The following EXTL3 variants were observed in gnomAD, a reference collection of about 807,000 sequenced individuals.
The protein encoded by EXTL3 is exostosin-like 3.
Under a neutral mutation model 69.3 loss-of-function variants are expected in EXTL3, and 27 were observed. The ratio of observed to expected loss-of-function variants is 0.39; its 90% confidence interval spans 0.29 to 0.54. EXTL3 has a LOEUF of 0.54. EXTL3 is among the 20% of genes least tolerant of loss of function. The pLI is 0.69. For synonymous variants in EXTL3, 511 were observed against 499.4 expected, an observed-to-expected ratio of 1.02 and a Z score of -0.31; for missense variants, 1,003 against 1,231.8, an observed-to-expected ratio of 0.81 and a Z score of 2.78.
At chr8:28,733,779 C>G (rs1042675913) in intron 4 of EXTL3, among the ~76,000 whole-genome samples, 1 of 150,688 alleles carries the variant, frequency 6.6e-6, no homozygotes, top group African/African-American at 2.4e-5. Context: ...GGAGAAACGG[C>G]TTTTCACATT....
At chr8:28,710,688 G>A (rs1474641141) in intron 1 of EXTL3, among the ~76,000 whole-genome samples, 3 of 144,718 alleles carry the variant, frequency 2.1e-5, no homozygotes, top group Non-Finnish European at 4.5e-5. Flanking sequence ...TCAGCCTCTA[G>A]TAGCTGGGAC....
rs1037571557 is a variant in EXTL3 at position 28,752,117 on chromosome 8, C to T, written c.*1251C>T. 2 of 152,238 alleles carry T rather than the reference C, an allele frequency of 1.3e-5. No homozygotes were observed. The highest frequency in any genetic ancestry group is 1.3e-4 in the Admixed American group (2 of 15,282). The allele number at this position is 152,238 out of a possible 1,614,324, so 9.4% of individuals were successfully genotyped here. A position where few individuals can be genotyped will look rare whatever the true frequency, so the allele number is the denominator to read the frequency against. ...TGGTATGTGCTAGAACAATGGGAGGCTGTGATTTGCTGTGTAAGCTCACAT... is the reference window on the plus strand; with the variant it reads ...TGGTATGTGCTAGAACAATGGGAGGTTGTGATTTGCTGTGTAAGCTCACAT... On this transcript the variant is annotated 3_prime_UTR_variant, in exon 7 of 7. Transcript: ENST00000220562.
chr8:28,658,125 G>A (rs1311884742), intron 1 of EXTL3, among the ~76,000 whole-genome samples: 1 of 152,194 alleles, frequency 6.6e-6, no homozygotes, highest in African/African-American at 2.4e-5. Flanking sequence ...CAGAAGCCAC[G>A]TGGTCCTGCT....
intron 2 of EXTL3, among the ~76,000 whole-genome samples, chr8:28,614,263 G>T (rs1282529598): frequency 2.0e-5 from 3 of 146,786 alleles, no homozygotes; most frequent in East Asian, 2.0e-4. Context: ...TACTTTGTGG[G>T]GTTTTTTGCT....
chr8:28,616,150 A>G (rs1452520659), intron 2 of EXTL3, among the ~76,000 whole-genome samples: 1 of 152,212 alleles, frequency 6.6e-6, no homozygotes, highest in African/African-American at 2.4e-5. Context: ...AAAGGGCAGT[A>G]CAGTAAGCTA....
intron 1 of EXTL3, among the ~76,000 whole-genome samples, chr8:28,642,356 C>A (rs1363378876): frequency 6.8e-6 from 1 of 147,836 alleles, no homozygotes; most frequent in African/African-American, 2.5e-5. Flanking sequence ...TGAGGCAGGA[C>A]AATCACTTGG....
intron 1 of EXTL3, chr8:28,710,219 G>T: frequency 3.7e-6 from 1 of 273,916 alleles, no homozygotes. Context: ...GCTGACCACT[G>T]GAAAAAGGAT....
chr8:28,716,757 A>T lies in EXTL3; in HGVS notation c.698A>T (p.Asp233Val), dbSNP rs1379286689. ...RANVYVTENADIACLYVILVG... is the reference protein window; with the variant it reads ...RANVYVTENAVIACLYVILVG... Reference sequence around the variant, plus strand: ...AACGTTTATGTTACAGAAAATGCAGACATCGCCTGCCTTTACGTGATACTA... The same window carrying T: ...AACGTTTATGTTACAGAAAATGCAGTCATCGCCTGCCTTTACGTGATACTA... The change falls in exon 3 of 7, where the codon GAC becomes GTC. Residue 233 changes from aspartate to valine, a missense_variant. Asp to Val is a radical substitution (Grantham distance 152, BLOSUM62 -3). Coordinates refer to ENST00000220562, the MANE Select transcript of EXTL3 (RefSeq NM_001440.4). This position sits in a 1 kb window ranked among gnomAD's most constrained non-coding sequence, Gnocchi z 7.1. 1 of 1,614,140 alleles carries T rather than the reference A, an allele frequency of 6.2e-7. No homozygotes were observed. Among genetic ancestry groups the T allele is most frequent in the Non-Finnish European group, 8.5e-7 (1 of 1,180,052 alleles).
At chr8:28,683,904 T>A (rs555202731) in intron 1 of EXTL3, among the ~76,000 whole-genome samples, 1 of 152,204 alleles carries the variant, frequency 6.6e-6, no homozygotes, top group East Asian at 1.9e-4. Context: ...TTGTGCCCAT[T>A]AACCATCCCC....
At chr8:28,652,428 G>A (rs2130605790) in intron 1 of EXTL3, among the ~76,000 whole-genome samples, 1 of 152,176 alleles carries the variant, frequency 6.6e-6, no homozygotes, top group Non-Finnish European at 1.5e-5. Context: ...AGGCCAAGGT[G>A]GGAGGATTGC....
chr8:28,642,765 C>CT (rs909191726), intron 1 of EXTL3, among the ~76,000 whole-genome samples: 2 of 151,478 alleles, frequency 1.3e-5, no homozygotes, highest in African/African-American at 4.9e-5. Flanking sequence ...TTACTGTTAA[C>CT]TTTTTTTTTA....
chr8:28,715,552 T>A (rs1462673243), intron 2 of EXTL3, 33 bp from the exon 3 acceptor site: 1 of 157,366 alleles, frequency 6.4e-6, no homozygotes, highest in Non-Finnish European at 1.4e-5. Context: ...ACATAACTTC[T>A]TCAAGACTGA....
chr8:28,675,293 A>G (rs1003341105), intron 1 of EXTL3, among the ~76,000 whole-genome samples: 3 of 152,288 alleles, frequency 2.0e-5, no homozygotes, highest in Non-Finnish European at 2.9e-5. Flanking sequence ...TAGAATTTCT[A>G]TACATCTCCA....
At chr8:28,704,639 T>C (rs1306024946) in intron 1 of EXTL3, among the ~76,000 whole-genome samples, 1 of 152,218 alleles carries the variant, frequency 6.6e-6, no homozygotes, top group Non-Finnish European at 1.5e-5. Context: ...ACCTACTCTT[T>C]CCAGCATGGC....
chr8:28,690,732 C>T (rs991220329), intron 1 of EXTL3, among the ~76,000 whole-genome samples: 2 of 152,178 alleles, frequency 1.3e-5, no homozygotes, highest in East Asian at 3.8e-4. Context: ...CACAACATGG[C>T]AGTGAGTTTC....
chr8:28,733,429 C>T (rs918536421), intron 4 of EXTL3, among the ~76,000 whole-genome samples: 2 of 151,956 alleles, frequency 1.3e-5, no homozygotes, highest in Admixed American at 6.6e-5. Flanking sequence ...GATGGGGTCT[C>T]ACATTGTTGC....
chr8:28,735,395 A>G (rs1487554344), intron 4 of EXTL3, among the ~76,000 whole-genome samples: 1 of 152,218 alleles, frequency 6.6e-6, no homozygotes, highest in Non-Finnish European at 1.5e-5. Flanking sequence ...TGGCATTAAC[A>G]TAGCTTCCAA....
intron 1 of EXTL3, among the ~76,000 whole-genome samples, chr8:28,651,056 G>T (rs1396704560): frequency 6.6e-6 from 1 of 151,706 alleles, no homozygotes; most frequent in Non-Finnish European, 1.5e-5. Context: ...TTGATTTTTT[G>T]GATTTTGGAA....
chr8:28,722,159 G>A (rs1585278999), intron 3 of EXTL3, among the ~76,000 whole-genome samples: 5 of 152,320 alleles, frequency 3.3e-5, no homozygotes, highest in Admixed American at 3.3e-4. Context: ...CAGAAGCGAT[G>A]CCCAGTGCAT....
Sources: allele counts gnomAD v4.1 joint callset (sites outside exome capture counted in the v4.1 genomes callset), GRCh38; gene constraint gnomAD v4.1.1; non-coding constraint Gnocchi (gnomAD v3.1); transcripts MANE v1.5; gene names NCBI Gene and HGNC (gene_info 2026-07-23, HGNC 2026-07-21).